Variants in BAIAP2 observed in about 807,000 individuals in gnomAD.
BAIAP2 encodes the protein BAR/IMD domain-containing adapter protein 2.
Under a neutral mutation model 63.0 loss-of-function variants are expected in BAIAP2, and 18 were observed. That is an observed-to-expected ratio of 0.29 (90% CI 0.20 to 0.42). The LOEUF (loss-of-function observed/expected upper bound fraction) is 0.42. Among genes scored for constraint, BAIAP2 ranks in the 10% least tolerant of loss-of-function variants. The pLI is 1.00. For synonymous variants in BAIAP2, 386 were observed against 307.6 expected (o/e 1.25, Z -2.67); for missense variants, 610 against 734.3 (o/e 0.83, Z 1.96).
At chr17:81,053,912 G>A in intron 2 of BAIAP2, 169 bp downstream of exon 2, 1 of 444,554 alleles carries the variant, frequency 2.2e-6, no homozygotes, top group South Asian at 2.2e-5. Flanking sequence ...GGGCCCCGTG[G>A]GGTGGGAGCT....
chr17:81,037,552 C>T (rs991456871), intron 1 of BAIAP2, among the ~76,000 whole-genome samples: 4 of 152,344 alleles, frequency 2.6e-5, no homozygotes, highest in Admixed American at 6.5e-5. Context: ...GTCAGGAGAC[C>T]GCTGAGGCCA....
At chr17:81,047,087 C>G (rs754455963) in intron 1 of BAIAP2, among the ~76,000 whole-genome samples, 7 of 152,254 alleles carry the variant, frequency 4.6e-5, no homozygotes, top group Non-Finnish European at 8.8e-5. Context: ...CCTCAACAGT[C>G]AGCCACCCTG....
In BAIAP2 at chr17:81,103,472, ACCCCT is replaced by A. The variant is rs1398755500; in HGVS notation, c.643-26_643-22del. The A allele has an allele frequency of 2.6e-6, 4 of 1,536,918 alleles. No individual in the cohort carries two copies. In the East Asian group the frequency reaches 7.3e-5, roughly 28 times the overall value. The stretch of plus-strand genomic sequence containing the variant: ...GCTGCAGGAGACTGAGCCGGCCCTG[ACCCCT>A]CCCTTCCTGCTGCTTCCACTTCAGG... On this transcript the variant is annotated intron_variant, in intron 7 of 13. Transcript: ENST00000428708.
intron 13 of BAIAP2, among the ~76,000 whole-genome samples, chr17:81,112,728 CCTT>C (rs1187526644): frequency 1.3e-5 from 2 of 152,234 alleles, no homozygotes; most frequent in Non-Finnish European, 1.5e-5. Context: ...TTCTCGGAAT[CCTT>C]CTGCTTCACA....
At chr17:81,038,429 C>T (rs1236776999) in intron 1 of BAIAP2, among the ~76,000 whole-genome samples, 1 of 152,228 alleles carries the variant, frequency 6.6e-6, no homozygotes, top group African/African-American at 2.4e-5. Flanking sequence ...GTGCCATTGG[C>T]CCACAGCCTG....
rs1165677885 is a variant in BAIAP2, at chr17:81,116,078, GCCTCTTGAGGGTACA to G, written c.*241_*255del. ...CTGGGCTGCCCAGGGCTGAGGGGCC[GCCTCTTGAGGGTACA>G]CGCCTCTGGTCACATGGCCATGGAG... On this transcript the variant is annotated 3_prime_UTR_variant, in exon 14 of 14. Coordinates refer to ENST00000428708, the MANE Select transcript of BAIAP2 (RefSeq NM_001144888.2). The G allele has an allele frequency of 9.4e-6, 14 of 1,485,582 alleles. No homozygotes were observed. Among genetic ancestry groups the G allele is most frequent in the Non-Finnish European group, 1.2e-5 (14 of 1,121,628 alleles). The allele number at this position is 1,485,582 out of a possible 1,614,324, so 92.0% of individuals were successfully genotyped here.
intron 3 of BAIAP2, among the ~76,000 whole-genome samples, chr17:81,079,729 T>G (rs888597710): frequency 6.6e-6 from 1 of 152,212 alleles, no homozygotes; most frequent in East Asian, 1.9e-4. Context: ...CTGTTCTGGC[T>G]CATGTGCTGT....
intron 1 of BAIAP2, among the ~76,000 whole-genome samples, chr17:81,052,276 G>A (rs1240147389): frequency 2.6e-5 from 4 of 152,234 alleles, no homozygotes; most frequent in African/African-American, 4.8e-5. Flanking sequence ...CCACTTCTGC[G>A]GAAGCGCTGG....
intron 6 of BAIAP2, among the ~76,000 whole-genome samples, chr17:81,096,890 C>T (rs900042202): frequency 6.6e-6 from 1 of 152,190 alleles, no homozygotes; most frequent in Admixed American, 6.5e-5. Flanking sequence ...GTGCATGTTG[C>T]ATAACCAGAG....
chr17:81,106,736 T>A lies in BAIAP2; in HGVS notation c.1338-9T>A. ...CTGCTGGGCCGCCTCTGAGTCCCTGTCCCTACAGCCTGCAGCAAGGGAAGA... is the reference window on the plus strand; with the variant it reads ...CTGCTGGGCCGCCTCTGAGTCCCTGACCCTACAGCCTGCAGCAAGGGAAGA... On this transcript the variant is annotated splice_polypyrimidine_tract_variant and intron_variant, in intron 11 of 13. Coordinates refer to ENST00000428708, the MANE Select transcript of BAIAP2 (RefSeq NM_001144888.2). 6.2e-7 allele frequency: 1 copy of A among 1,612,468 alleles called. No individual in the cohort carries two copies. Among genetic ancestry groups the A allele is most frequent in the Non-Finnish European group, 8.5e-7 (1 of 1,179,728 alleles).
chr17:81,050,399 G>T (rs2048482886), intron 1 of BAIAP2, among the ~76,000 whole-genome samples: 1 of 150,140 alleles, frequency 6.7e-6, no homozygotes, highest in South Asian at 2.2e-4. Flanking sequence ...GAGCTCAGCT[G>T]CTGCACTAAG....
intron 6 of BAIAP2, among the ~76,000 whole-genome samples, chr17:81,091,287 G>A (rs1257212824): frequency 2.0e-5 from 3 of 151,028 alleles, no homozygotes; most frequent in Non-Finnish European, 2.9e-5. Context: ...TGTCAGCGAA[G>A]TCCTGCTGGT....
intron 1 of BAIAP2, among the ~76,000 whole-genome samples, chr17:81,045,809 G>A (rs1253837961): frequency 1.3e-5 from 2 of 152,178 alleles, no homozygotes; most frequent in African/African-American, 2.4e-5. Flanking sequence ...TGGCTCTGGG[G>A]GAGTCTGGGT....
At chr17:81,051,208 G>T (rs1030132931) in intron 1 of BAIAP2, among the ~76,000 whole-genome samples, 2 of 151,896 alleles carry the variant, frequency 1.3e-5, no homozygotes, top group African/African-American at 4.8e-5. Flanking sequence ...ACAGAGGCCT[G>T]CGTGGTACGT....
chr17:81,067,551 C>T (rs1463541090), intron 3 of BAIAP2, among the ~76,000 whole-genome samples: 1 of 149,050 alleles, frequency 6.7e-6, no homozygotes, highest in Admixed American at 6.7e-5. Context: ...GCCGCGGCAG[C>T]CAAGTGTGGG....
intron 1 of BAIAP2, among the ~76,000 whole-genome samples, chr17:81,052,860 A>G (rs1022390951): frequency 2.0e-5 from 3 of 152,142 alleles, no homozygotes; most frequent in Admixed American, 1.3e-4. Flanking sequence ...TCCTCAGGAA[A>G]GATCAGGATC....
intron 6 of BAIAP2, among the ~76,000 whole-genome samples, chr17:81,091,485 C>T (rs183918146): frequency 6.6e-6 from 1 of 152,148 alleles, no homozygotes; most frequent in Non-Finnish European, 1.5e-5. Flanking sequence ...CCCTTGAGAT[C>T]CCTGCCTCGG....
In BAIAP2 at chr17:81,084,778, G is replaced by T. The variant is rs1178946612; in HGVS notation, c.218-54G>T. The T allele has an allele frequency of 3.7e-5, 58 of 1,570,194 alleles. 2 individuals carry two copies. In the South Asian group the frequency reaches 6.3e-4, roughly 17 times the overall value. On this transcript the variant is annotated intron_variant, in intron 3 of 13. Coordinates refer to ENST00000428708, the MANE Select transcript of BAIAP2 (RefSeq NM_001144888.2). ...TGTCAGCCCAGAGTGGGATGACGGT[G>T]GTGACTGCGAGCACCTGACTCCCTC...
intron 1 of BAIAP2, 66 bp from the exon 2 acceptor site, chr17:81,053,602 C>G (rs117198875): frequency 1.3e-6 from 2 of 1,572,802 alleles, no homozygotes; most frequent in African/African-American, 1.4e-5. Context: ...CCTCTGTGTT[C>G]GGACCCTTCG....
Sources: gnomAD v4.1 joint callset for allele counts (sites outside exome capture counted in the v4.1 genomes callset) on GRCh38, gnomAD v4.1.1 for gene constraint, MANE v1.5 for transcripts, NCBI Gene and HGNC (gene_info 2026-07-23, HGNC 2026-07-21) for gene names.